Variants in SHPK observed in about 807,000 individuals in gnomAD.
SHPK encodes carbohydrate kinase-like protein.
In SHPK, 51 loss-of-function variants were observed where a neutral mutation model predicts 46.3. The observed-to-expected ratio is 1.10, with a 90% CI of 0.88 to 1.39. SHPK has a LOEUF of 1.39. SHPK is among the 40% of genes most tolerant of loss of function. SHPK has a pLI of 0.00. For missense variants in SHPK, 668 were observed against 641.3 expected (o/e 1.04, Z -0.45); for synonymous variants, 290 against 273.9 (o/e 1.06, Z -0.58).
Position 3,608,390 on chromosome 17 carries a change from G to A in SHPK, c.*2170C>T, listed in dbSNP as rs1466596824. On this transcript the variant is annotated 3_prime_UTR_variant, in exon 7 of 7. Coordinates refer to ENST00000225519, the MANE Select transcript of SHPK (RefSeq NM_013276.4). ...CATCACTACCAGCATCACTACTCTG[G>A]TGCTTTGGGGCCCTAATGAAGTAAA... 6.6e-6 allele frequency: 1 copy of A among 151,928 alleles called. No homozygotes were observed. Among genetic ancestry groups the A allele is most frequent in the Non-Finnish European group, 1.5e-5 (1 of 68,004 alleles). 9.4% of individuals were successfully genotyped at this position (151,928 alleles called of 1,614,324 possible). A position where few individuals can be genotyped will look rare whatever the true frequency, so the allele number is the denominator to read the frequency against.
intron 5 of SHPK, 142 bp from the exon 6 acceptor site, chr17:3,615,679 G>C: frequency 4.9e-6 from 3 of 615,910 alleles, no homozygotes; most frequent in Non-Finnish European, 8.6e-6. Flanking sequence ...GGGGTGGCCT[G>C]TCAGGCTAAC....
rs150182822 is a variant in SHPK at position 3,624,562 on chromosome 17, C to T, written c.311-331G>A. ...CCCTGGTCTCTGTCCCTCCAACCCT[C>T]ATCATGACATTATCTAGGCTTACTG... is the stretch of plus-strand genomic sequence containing the variant. On this transcript the variant is annotated intron_variant, in intron 2 of 6. Transcript: ENST00000225519. 4.6e-5 allele frequency among the ~76,000 whole-genome samples: 7 copies of T among 152,308 alleles called. 1 individual carries two copies. The East Asian group carries it at 1.3e-3, about 29-fold the overall frequency.
At chr17:3,614,233 G>T (rs1021639394) in intron 6 of SHPK, among the ~76,000 whole-genome samples, 1 of 152,154 alleles carries the variant, frequency 6.6e-6, no homozygotes, top group Non-Finnish European at 1.5e-5. Flanking sequence ...TTTAAGAAAT[G>T]CCTACATCAG....
intron 1 of SHPK, among the ~76,000 whole-genome samples, chr17:3,632,169 A>C (rs1212838647): frequency 6.6e-6 from 1 of 151,086 alleles, no homozygotes; most frequent in Non-Finnish European, 1.5e-5. Flanking sequence ...GTTGGCCAGG[A>C]TGGTCTCGAT....
At chr17:3,621,697 G>A (rs1045685548) in intron 4 of SHPK, among the ~76,000 whole-genome samples, 12 of 146,758 alleles carry the variant, frequency 8.2e-5, no homozygotes, top group Non-Finnish European at 1.6e-4. Flanking sequence ...CTGTTGCCCA[G>A]GCTGGAGTGC....
In SHPK at chr17:3,623,515, C is replaced by G. The variant is rs768449084; in HGVS notation, c.495-24G>C. 3.1e-6 allele frequency: 5 copies of G among 1,612,546 alleles called. No individual in the cohort carries two copies. The Middle Eastern group carries it at 6.6e-4, about 213-fold the overall frequency. ...GGCTGTTTTTCATACCAAAAACAACCAACACGGTATAACATGAACTCGGAA... is the reference window on the plus strand; with the variant it reads ...GGCTGTTTTTCATACCAAAAACAACGAACACGGTATAACATGAACTCGGAA... On this transcript the variant is annotated intron_variant, in intron 3 of 6. Transcript: ENST00000225519.
chr17:3,615,547 G>C lies in SHPK; in HGVS notation c.824-10C>G. The C allele has an allele frequency of 1.2e-6, 2 of 1,613,422 alleles. No individual in the cohort carries two copies. The highest frequency in any genetic ancestry group is 1.7e-6 in the Non-Finnish European group (2 of 1,179,446). ...GTGCTGATGTTGAGAACTGGGGTCCGAAGAGAGCAGAGCTTAGGCCTGTCG... is the reference window on the plus strand; with the variant it reads ...GTGCTGATGTTGAGAACTGGGGTCCCAAGAGAGCAGAGCTTAGGCCTGTCG... On this transcript the variant is annotated splice_polypyrimidine_tract_variant and intron_variant, in intron 5 of 6. Transcript: ENST00000225519.
chr17:3,619,238 G>A, intron 5 of SHPK: 1 of 636,750 alleles, frequency 1.6e-6, no homozygotes, highest in South Asian at 1.7e-5. Flanking sequence ...GATTTTACAT[G>A]TATTTTGGAA....
In SHPK at chr17:3,609,237, C is replaced by G. The variant is rs930641869; in HGVS notation, c.*1323G>C. ...TGGCCAGAGTGATCAGGCATTTGCT[C>G]TCATCTTAGAGCTTCCAGATAATCA... is the stretch of plus-strand genomic sequence containing the variant. On this transcript the variant is annotated 3_prime_UTR_variant, in exon 7 of 7. Coordinates refer to ENST00000225519, the MANE Select transcript of SHPK (RefSeq NM_013276.4). The G allele has an allele frequency of 2.6e-5, 4 of 152,092 alleles. No homozygotes were observed. The highest frequency in any genetic ancestry group is 9.7e-5 in the African/African-American group (4 of 41,416). 9.4% of individuals were successfully genotyped at this position (152,092 alleles called of 1,614,324 possible).
At position 3,609,824 on chromosome 17, in the gene SHPK, A is replaced by T. The variant is rs891731061; in HGVS notation, c.*736T>A. On this transcript the variant is annotated 3_prime_UTR_variant, in exon 7 of 7. Coordinates refer to ENST00000225519, the MANE Select transcript of SHPK (RefSeq NM_013276.4). ...ACAGCATCGGTCCCCCTTGCTGCTCATGCCATCCGCCTCTCCTTCTCGCAA... is the reference window on the plus strand; with the variant it reads ...ACAGCATCGGTCCCCCTTGCTGCTCTTGCCATCCGCCTCTCCTTCTCGCAA... The T allele has an allele frequency of 6.6e-6, 1 of 152,574 alleles. No homozygotes were observed. The highest frequency in any genetic ancestry group is 2.4e-5 in the African/African-American group (1 of 41,454). The allele number at this position is 152,574 out of a possible 1,614,324, so 9.5% of individuals were successfully genotyped here.
At chr17:3,630,490 T>TCACC in intron 1 of SHPK, 144 bp from the exon 2 acceptor site, 5 of 853,814 alleles carry the variant, frequency 5.9e-6, no homozygotes, top group Non-Finnish European at 7.0e-6. Flanking sequence ...TGCAGGTGAG[T>TCACC]TGCAGCAAAC....
Position 3,615,538 on chromosome 17 carries a change from C to G in SHPK, c.824-1G>C. 6.2e-7 allele frequency: 1 copy of G among 1,614,028 alleles called. No homozygotes were observed. Among genetic ancestry groups the G allele is most frequent in the Admixed American group, 1.7e-5 (1 of 60,014 alleles). Reference sequence around the variant, plus strand: ...TGAACCGAGGTGCTGATGTTGAGAACTGGGGTCCGAAGAGAGCAGAGCTTA... The same window carrying G: ...TGAACCGAGGTGCTGATGTTGAGAAGTGGGGTCCGAAGAGAGCAGAGCTTA... On this transcript the variant is annotated splice_acceptor_variant, in intron 5 of 6. Coordinates refer to ENST00000225519, the MANE Select transcript of SHPK (RefSeq NM_013276.4). LOFTEE classifies it high-confidence loss of function.
chr17:3,619,720 GAGACTC>G, intron 5 of SHPK: 1 of 336,324 alleles, frequency 3.0e-6, no homozygotes, highest in Non-Finnish European at 5.6e-6. Flanking sequence ...GCGACAGAGT[GAGACTC>G]CATCTCAAAA....
Position 3,626,595 on chromosome 17 carries a change from A to G in SHPK, c.311-2364T>C, listed in dbSNP as rs569248867. Among the ~76,000 whole-genome samples the G allele has an allele frequency of 1.1e-3, 170 of 151,642 alleles. 1 individual carries two copies. The highest frequency in any genetic ancestry group is 3.6e-3 in the African/African-American group (148 of 41,332). On this transcript the variant is annotated intron_variant, in intron 2 of 6. Transcript: ENST00000225519. ...AAATTAGCCGGGCGTGATGGCGGGT[A>G]CCTGTAGTCCCAGCTACTCTGGAGG...
At chr17:3,612,072 G>A (rs1023111796) in intron 6 of SHPK, among the ~76,000 whole-genome samples, 1 of 151,666 alleles carries the variant, frequency 6.6e-6, no homozygotes, top group Non-Finnish European at 1.5e-5. Context: ...CCAAAGTACT[G>A]GGGTTACAGG....
chr17:3,631,481 T>A (rs1334892404), intron 1 of SHPK, among the ~76,000 whole-genome samples: 1 of 138,258 alleles, frequency 7.2e-6, no homozygotes, highest in Non-Finnish European at 1.5e-5. Flanking sequence ...CAATTTAGTA[T>A]GACAAAAAAT....
chr17:3,634,849 G>A (rs1424172679), intron 1 of SHPK, among the ~76,000 whole-genome samples: 2 of 151,988 alleles, frequency 1.3e-5, no homozygotes, highest in Non-Finnish European at 2.9e-5. Context: ...CTAAACAACC[G>A]TGTCCATGTA....
rs531086212 is a variant in SHPK, at chr17:3,631,826, T to C, written c.169-1480A>G. ...TGTGAGCCACCGCACCCAGCCTTGA[T>C]TATCACACATCAAACTGATAATGTG... On this transcript the variant is annotated intron_variant, in intron 1 of 6. Transcript: ENST00000225519. Among the ~76,000 whole-genome samples the C allele has an allele frequency of 1.1e-4, 17 of 151,160 alleles. No homozygotes were observed. In the East Asian group the frequency reaches 3.4e-3, roughly 30 times the overall value.
At chr17:3,617,721 G>A (rs1292942818) in intron 5 of SHPK, among the ~76,000 whole-genome samples, 1 of 152,066 alleles carries the variant, frequency 6.6e-6, no homozygotes, top group Non-Finnish European at 1.5e-5. Context: ...TTGATTGGCA[G>A]GTAAAAGTTT....
Sources: allele counts gnomAD v4.1 joint callset (sites outside exome capture counted in the v4.1 genomes callset), GRCh38; gene constraint gnomAD v4.1.1; transcripts MANE v1.5; gene names NCBI Gene and HGNC (gene_info 2026-07-23, HGNC 2026-07-21).